The following CPM variants were observed in gnomAD, a reference collection of about 807,000 sequenced individuals.
The protein encoded by CPM is renal carboxypeptidase.
A neutral mutation model predicts 46.4 loss-of-function variants in CPM; 35 were observed. That is an observed-to-expected ratio of 0.75 (90% confidence interval 0.58 to 1.00). The LOEUF is 1.00. Among genes scored for constraint, CPM ranks in the 50% least tolerant of loss-of-function variants. CPM has a pLI of 0.00. For missense variants in CPM, 422 were observed against 530.4 expected (o/e 0.80, Z 2.01); for synonymous variants, 195 against 195.3 (o/e 1.00, Z 0.01).
rs1884705631 is a variant in CPM, at chr12:68,851,861, C to T, written c.*4576G>A. On this transcript the variant is annotated 3_prime_UTR_variant, in exon 9 of 9. Coordinates refer to ENST00000551568, the MANE Select transcript of CPM (RefSeq NM_198320.5). ...TGGTCATCATAATTTTCTCCCCCTT[C>T]CCCCTTCTAAAGTCATGAGGAAAAT... is the stretch of plus-strand genomic sequence containing the variant. 1 of 152,158 alleles carries T rather than the reference C, an allele frequency of 6.6e-6. No individual in the cohort carries two copies. The highest frequency in any genetic ancestry group is 1.5e-5 in the Non-Finnish European group (1 of 68,046). The allele number at this position is 152,158 out of a possible 1,614,324, so 9.4% of individuals were successfully genotyped here. A position where few individuals can be genotyped will look rare whatever the true frequency, so the allele number is the denominator to read the frequency against.
chr12:68,889,094 G>A lies in CPM; in HGVS notation c.161-3205C>T, dbSNP rs1466537576. Reference sequence around the variant, plus strand: ...CTCAGTCAAACTCTTGGGGTAAAGCGTGAAACTGGCATTTAACAAGTTCCT... The same window carrying A: ...CTCAGTCAAACTCTTGGGGTAAAGCATGAAACTGGCATTTAACAAGTTCCT... On this transcript the variant is annotated intron_variant, in intron 2 of 8. Coordinates refer to ENST00000551568, the MANE Select transcript of CPM (RefSeq NM_198320.5). 3.9e-5 allele frequency among the ~76,000 whole-genome samples: 6 copies of A among 152,212 alleles called. 1 individual carries two copies. Among genetic ancestry groups the A allele is most frequent in the East Asian group, 1.9e-4 (1 of 5,204 alleles).
At chr12:68,918,640 T>TCCAATCCAATCCAAC (rs1555199784) in intron 2 of CPM, among the ~76,000 whole-genome samples, 1 of 152,016 alleles carries the variant, frequency 6.6e-6, no homozygotes, top group African/African-American at 2.4e-5. Context: ...TCCAATCCAA[T>TCCAATCCAATCCAAC]CCAACCCAAC....
chr12:68,895,745 C>T (rs111647527), intron 2 of CPM, among the ~76,000 whole-genome samples: 2,903 of 152,104 alleles, frequency 0.019, 97 homozygotes, highest in African/African-American at 0.066. Context: ...TTTGGGAGGC[C>T]GAGGCAGGTG....
At chr12:68,849,793 A>G (rs1390207868), downstream of CPM, 1 of 149,404 alleles carries the variant, frequency 6.7e-6, no homozygotes, top group Non-Finnish European at 1.5e-5. Context: ...TTGTATTTTC[A>G]GTAGAGATGG....
intron 2 of CPM, among the ~76,000 whole-genome samples, chr12:68,909,951 A>T (rs559128080): frequency 2.6e-3 from 399 of 152,124 alleles, no homozygotes; most frequent in Non-Finnish European, 3.8e-3. Flanking sequence ...AAACCTGCAC[A>T]TTCTGCACAT....
Position 68,852,959 on chromosome 12 carries a change from G to A in CPM, c.*3478C>T, listed in dbSNP as rs1309830471. On this transcript the variant is annotated 3_prime_UTR_variant, in exon 9 of 9. Coordinates refer to ENST00000551568, the MANE Select transcript of CPM (RefSeq NM_198320.5). ...TATAAAAGGAATTATAGCTGAACTA[G>A]AGCTGGAGGAGCATAACCACCAGCC... The A allele has an allele frequency of 6.6e-6, 1 of 152,212 alleles. No individual in the cohort carries two copies. The highest frequency in any genetic ancestry group is 1.9e-4 in the East Asian group (1 of 5,200). The allele number at this position is 152,212 out of a possible 1,614,324, so 9.4% of individuals were successfully genotyped here. A position where few individuals can be genotyped will look rare whatever the true frequency, so the allele number is the denominator to read the frequency against.
At chr12:68,896,398 T>G (rs1282218935) in intron 2 of CPM, among the ~76,000 whole-genome samples, 1 of 152,196 alleles carries the variant, frequency 6.6e-6, no homozygotes, top group East Asian at 1.9e-4. Flanking sequence ...ATTTTGTATC[T>G]CTGTGCTTGC....
intron 2 of CPM, among the ~76,000 whole-genome samples, chr12:68,894,454 C>T (rs1189371224): frequency 1.3e-5 from 2 of 152,186 alleles, no homozygotes; most frequent in African/African-American, 2.4e-5. Flanking sequence ...GCCCTCCACC[C>T]GAATTTCCCA....
At chr12:68,864,765 A>G (rs1215495746) in intron 7 of CPM, among the ~76,000 whole-genome samples, 1 of 152,224 alleles carries the variant, frequency 6.6e-6, no homozygotes, top group Non-Finnish European at 1.5e-5. Context: ...GGATCCCAGC[A>G]CTTTGGGAGG....
chr12:68,853,755 G>T lies in CPM; in HGVS notation c.*2682C>A. ...GAAGGATGGGAAGGGGAGGGAAGGG[G>T]AGGGGAGCGGAGGAAAGAAGAAAAG... On this transcript the variant is annotated 3_prime_UTR_variant, in exon 9 of 9. Coordinates refer to ENST00000551568, the MANE Select transcript of CPM (RefSeq NM_198320.5). 1 of 151,736 alleles carries T rather than the reference G, an allele frequency of 6.6e-6. No individual in the cohort carries two copies. The allele number at this position is 151,736 out of a possible 1,614,324, so 9.4% of individuals were successfully genotyped here. A position where few individuals can be genotyped will look rare whatever the true frequency, so the allele number is the denominator to read the frequency against.
intron 7 of CPM, among the ~76,000 whole-genome samples, chr12:68,860,964 T>C (rs1885183547): frequency 6.6e-6 from 1 of 152,048 alleles, no homozygotes; most frequent in African/African-American, 2.4e-5. Flanking sequence ...TACTGCAGCC[T>C]TGACTTCCCA....
At chr12:68,890,226 C>A (rs1886599113) in intron 2 of CPM, among the ~76,000 whole-genome samples, 1 of 152,038 alleles carries the variant, frequency 6.6e-6, no homozygotes, top group African/African-American at 2.4e-5. Flanking sequence ...CACAGCAAGA[C>A]CTGTCTCTTA....
rs139235186 is a variant in CPM at position 68,856,633 on chromosome 12, G to A, written c.1136C>T (p.Pro379Leu). The A allele has an allele frequency of 4.0e-5, 65 of 1,614,060 alleles. No homozygotes were observed. The highest frequency in any genetic ancestry group is 3.9e-4 in the African/African-American group (29 of 74,944). ...AGCACTGAAGTTCTGGGATTTCTCCGGAATAATCACCTTTGTGATGTGTGG... is the reference window on the plus strand; with the variant it reads ...AGCACTGAAGTTCTGGGATTTCTCCAGAATAATCACCTTTGTGATGTGTGG... ...HDPHITKVII[P>L]EKSQNFSALK... The change falls in exon 9 of 9, where the codon CCG becomes CTG. Residue 379 changes from proline to leucine, a missense_variant. By Grantham distance (98) the Pro-to-Leu change is moderately conservative. Coordinates refer to ENST00000551568, the MANE Select transcript of CPM (RefSeq NM_198320.5).
chr12:68,904,453 C>T (rs1887252344), intron 2 of CPM, among the ~76,000 whole-genome samples: 1 of 152,158 alleles, frequency 6.6e-6, no homozygotes. Context: ...AGACATGGAC[C>T]TTACTGAAGT....
At chr12:68,884,680 T>C (rs553643417) in intron 3 of CPM, among the ~76,000 whole-genome samples, 28 of 152,324 alleles carry the variant, frequency 1.8e-4, no homozygotes, top group Non-Finnish European at 2.6e-4. Context: ...CTGTGCAAAG[T>C]TTCCTTACTG....
rs13486 is a variant in CPM, at chr12:68,855,307, A to G, written c.*1130T>C. 29,604 of 152,156 alleles carry G rather than the reference A, an allele frequency of 0.19. 3,092 individuals are homozygous for G. The highest frequency in any genetic ancestry group is 0.33 in the Middle Eastern group (96 of 294). 9.4% of individuals were successfully genotyped at this position (152,156 alleles called of 1,614,324 possible). On this transcript the variant is annotated 3_prime_UTR_variant, in exon 9 of 9. Coordinates refer to ENST00000551568, the MANE Select transcript of CPM (RefSeq NM_198320.5). Reference sequence around the variant, plus strand: ...GAGCAGCTCTAGGGGGAACAGGATGAGTATCTCCACATGATGGGTTGGAGG... The same window carrying G: ...GAGCAGCTCTAGGGGGAACAGGATGGGTATCTCCACATGATGGGTTGGAGG...
At position 68,870,795 on chromosome 12, in the gene CPM, A is replaced by G. The variant is rs192579418; in HGVS notation, c.432-396T>C. ...GCTGAGCCCCAGACCTGTGGCACGG[A>G]CAGTAGCCATCCCTGCTCTGCCCTG... On this transcript the variant is annotated intron_variant, in intron 4 of 8. Coordinates refer to ENST00000551568, the MANE Select transcript of CPM (RefSeq NM_198320.5). 1.5e-4 allele frequency among the ~76,000 whole-genome samples: 23 copies of G among 152,364 alleles called. No individual in the cohort carries two copies. The East Asian group carries it at 3.3e-3, about 22-fold the overall frequency.
intron 2 of CPM, among the ~76,000 whole-genome samples, chr12:68,891,268 A>G (rs1348579629): frequency 1.3e-5 from 2 of 152,260 alleles, no homozygotes; most frequent in Non-Finnish European, 2.9e-5. Flanking sequence ...GTGAATCCAC[A>G]GAAGAGTTGA....
chr12:68,907,135 G>T (rs2136286255), intron 2 of CPM, among the ~76,000 whole-genome samples: 1 of 152,324 alleles, frequency 6.6e-6, no homozygotes, highest in South Asian at 2.1e-4. Flanking sequence ...TGGCTCTGTT[G>T]TTCGATTTTA....
Sources: gnomAD v4.1 joint callset for allele counts (sites outside exome capture counted in the v4.1 genomes callset) on GRCh38, gnomAD v4.1.1 for gene constraint, MANE v1.5 for transcripts, NCBI Gene and HGNC (gene_info 2026-07-23, HGNC 2026-07-21) for gene names.